TTN: variants seen among roughly 807,000 people sequenced by gnomAD.
The protein encoded by TTN is connectin.
Under a neutral mutation model 3,223.0 loss-of-function variants are expected in TTN, and 1,525 were observed. The observed-to-expected ratio is 0.47, with a 90% confidence interval of 0.45 to 0.49. The LOEUF (loss-of-function observed/expected upper bound fraction) is 0.49, where lower values mean the gene tolerates loss of function less well. Among genes scored for constraint, TTN ranks in the 20% least tolerant of loss-of-function variants. TTN has a pLI of 0.00. For synonymous variants in TTN, 14,094 were observed against 15,161.0 expected (o/e 0.93, Z 5.17); for missense variants, 40,786 against 43,424.0 (o/e 0.94, Z 5.40).
At position 178,650,230 on chromosome 2, in the gene TTN, C is replaced by G; in HGVS notation, c.39751G>C (p.Ala13251Pro). 1 of 1,555,524 alleles carries G rather than the reference C, an allele frequency of 6.4e-7. No individual in the cohort carries two copies. The highest frequency in any genetic ancestry group is 1.2e-5 in the South Asian group (1 of 84,932). The change falls in exon 210 of 363, where the codon GCT (alanine) becomes CCT (proline). Residue 13251 changes from alanine (A) to proline (P), a missense_variant. By Grantham distance (27) the Ala-to-Pro change is conservative. Transcript: ENST00000589042. Reference sequence around the variant, plus strand: ...GGAACTGGCTTTTCCTCTTCAGGAGCAATTTCCTCTTCAGGAGCAATTTCC... The same window carrying G: ...GGAACTGGCTTTTCCTCTTCAGGAGGAATTTCCTCTTCAGGAGCAATTTCC... ...PEEIAPEEEI[A>P]PEEEKPVPVA...
intron 40 of TTN, 54 bp from the exon 41 acceptor site, chr2:178,766,666 T>C (rs1003033637): frequency 7.1e-7 from 1 of 1,407,646 alleles, no homozygotes; most frequent in African/African-American, 1.4e-5. Context: ...CTTGAAGCTC[T>C]GGTTTCCTCC....
chr2:178,528,921 T>C lies in TTN; in HGVS notation c.106830A>G (p.Lys35610=). ...SEEVRTHAEI[K]AFSTQMSINE... ...TTATGCTCATCTGAGTAGAAAATGC[T>C]TTAATCTCAGCATGAGTTCTGACTT... is the stretch of plus-strand genomic sequence containing the variant. The change falls in exon 360 of 363, where the codon AAA becomes AAG. Residue 35610 remains lysine, a synonymous_variant. Coordinates refer to ENST00000589042, the MANE Select transcript of TTN (RefSeq NM_001267550.2). 2 of 1,614,062 alleles carry C rather than the reference T, an allele frequency of 1.2e-6. No individual in the cohort carries two copies. The highest frequency in any genetic ancestry group is 1.7e-6 in the Non-Finnish European group (2 of 1,179,894).
At position 178,566,023 on chromosome 2, in the gene TTN, T is replaced by C; in HGVS notation, c.80109A>G (p.Val26703=). Residue 26703 remains valine, a synonymous_variant, in exon 326 of 363, where the codon GTA becomes GTG. Transcript: ENST00000589042. ...CTCCATCAATGATGGGTGGCTCCCA[T>C]ACCAGGAAGGCAGAATCTTTTCTCA... ...KEVRKDSAFL[V]WEPPIIDGGA... 2 of 1,613,570 alleles carry C rather than the reference T, an allele frequency of 1.2e-6. No individual in the cohort carries two copies. Among genetic ancestry groups the C allele is most frequent in the South Asian group, 2.2e-5 (2 of 91,068 alleles).
intron 144 of TTN, 83 bp downstream of exon 144, chr2:178,678,331 C>T: frequency 6.7e-7 from 1 of 1,501,066 alleles, no homozygotes; most frequent in Non-Finnish European, 9.0e-7. Context: ...TAAAAATGTA[C>T]AATGTAATGG....
chr2:178,614,315 G>A lies in TTN; in HGVS notation c.49082C>T (p.Thr16361Ile). Residue 16361 changes from threonine (T) to isoleucine (I), a missense_variant, in exon 262 of 363, where the codon ACA becomes ATA. By Grantham distance (89) the Thr-to-Ile change is moderately conservative. Coordinates refer to ENST00000589042, the MANE Select transcript of TTN (RefSeq NM_001267550.2). The part of the protein sequence containing the change: ...KPGPPAAFDI[T>I]DVTNESCLLT... ...AAGACATGACTCATTGGTTACATCT[G>A]TGATGTCAAAGGCAGCTGGTGGTCC... 6.2e-7 allele frequency: 1 copy of A among 1,612,676 alleles called. No homozygotes were observed. The highest frequency in any genetic ancestry group is 1.1e-5 in the South Asian group (1 of 91,026).
chr2:178,752,532 C>T (rs1395992334), intron 47 of TTN, among the ~76,000 whole-genome samples: 1 of 151,948 alleles, frequency 6.6e-6, no homozygotes, highest in East Asian at 1.9e-4. Flanking sequence ...TTTATTCGAA[C>T]TAATACAGCC....
At position 178,551,706 on chromosome 2, in the gene TTN, A is replaced by G. The variant is rs1340267522; in HGVS notation, c.91194T>C (p.Arg30398=). 6.2e-7 allele frequency: 1 copy of G among 1,613,550 alleles called. No individual in the cohort carries two copies. The highest frequency in any genetic ancestry group is 2.2e-5 in the East Asian group (1 of 44,862). ...GLVEGLDYQF[R]VYAENSAGLS... The stretch of plus-strand genomic sequence containing the variant: ...GGCCAGCAGAATTTTCAGCATATAC[A>G]CGGAATTGGTAATCCAGACCTTCTA... The change falls in exon 335 of 363, where the codon CGT becomes CGC. Residue 30398 remains arginine, a synonymous_variant. Transcript: ENST00000589042.
chr2:178,565,841 CCA>C lies in TTN; in HGVS notation c.80289_80290del (p.Phe26763LeufsTer10), dbSNP rs767562159. 6.2e-7 allele frequency: 1 copy of C among 1,613,654 alleles called. No individual in the cohort carries two copies. The highest frequency in any genetic ancestry group is 1.1e-5 in the South Asian group (1 of 91,082). On this transcript the variant is annotated frameshift_variant, in exon 326 of 363. Transcript: ENST00000589042. LOFTEE classifies it high-confidence loss of function. ...AACAGTTTCCACTGGAACACCAACTCCAAATTCATTTTCAGCCATGACTCTGA... is the reference window on the plus strand; with the variant it reads ...AACAGTTTCCACTGGAACACCAACTCAATTCATTTTCAGCCATGACTCTGA...
chr2:178,767,589 C>G (rs957630392), intron 40 of TTN, among the ~76,000 whole-genome samples, 170 bp downstream of exon 40: 1 of 152,148 alleles, frequency 6.6e-6, no homozygotes, highest in Admixed American at 6.5e-5. Flanking sequence ...TGAGTGGAAA[C>G]TGTGACTAAA....
At chr2:178,769,029 T>G in intron 37 of TTN, 96 bp from the exon 38 acceptor site, 1 of 1,389,498 alleles carries the variant, frequency 7.2e-7, no homozygotes, top group Non-Finnish European at 1.0e-6. Flanking sequence ...ATGTTTTTAG[T>G]GCGTCTGTTG....
chr2:178,601,827 A>T (rs376698996), intron 285 of TTN, 40 bp from the exon 286 acceptor site: 5 of 1,604,646 alleles, frequency 3.1e-6, no homozygotes, highest in Non-Finnish European at 4.2e-6. Context: ...GAATGAAATC[A>T]TAGCAATATT....
At position 178,595,492 on chromosome 2, in the gene TTN, T is replaced by C. The variant is rs1256752046; in HGVS notation, c.57847+15A>G. On this transcript the variant is annotated intron_variant, in intron 295 of 362. Transcript: ENST00000589042. ...AAAGAAGTGATTAAGTATACATTTT[T>C]TTTTTTTTACTTACTTATTGGCTCT... 1 of 1,544,826 alleles carries C rather than the reference T, an allele frequency of 6.5e-7. No individual in the cohort carries two copies. Among genetic ancestry groups the C allele is most frequent in the Non-Finnish European group, 8.7e-7 (1 of 1,144,710 alleles).
In TTN at chr2:178,533,426, C is replaced by G. The variant is rs1559025541; in HGVS notation, c.103189G>C (p.Glu34397Gln). 1.9e-6 allele frequency: 3 copies of G among 1,613,898 alleles called. No individual in the cohort carries two copies. Among genetic ancestry groups the G allele is most frequent in the Admixed American group, 1.7e-5 (1 of 60,012 alleles). The change falls in exon 358 of 363, where the codon GAG becomes CAG. Residue 34397 changes from glutamate to glutamine, a missense_variant. Physicochemically the swap from Glu to Gln is conservative, Grantham distance 29. Coordinates refer to ENST00000589042, the MANE Select transcript of TTN (RefSeq NM_001267550.2). ...SGIPPPTLKW[E>Q]KDGQPLSLGP... is the part of the protein sequence containing the mutation. ...AGGGACAGTGGCTGACCATCTTTCT[C>G]CCATTTTAATGTTGGTGGGGGGATG...
chr2:178,589,675 A>AT lies in TTN; in HGVS notation c.62049dup (p.Phe20684IlefsTer10). On this transcript the variant is annotated frameshift_variant, in exon 304 of 363. Transcript: ENST00000589042. LOFTEE classifies it high-confidence loss of function. ...GGCCTCCGCCACTTTAGATAGACAA[A>AT]TGTCTTTCCTTTATCTGCAATGTGA... 1 of 1,613,484 alleles carries AT rather than the reference A, an allele frequency of 6.2e-7. No individual in the cohort carries two copies. Among genetic ancestry groups the AT allele is most frequent in the Non-Finnish European group, 8.5e-7 (1 of 1,179,606 alleles).
chr2:178,541,488 T>G lies in TTN; in HGVS notation c.97589A>C (p.Gln32530Pro). ...WYPPEDDGGS[Q>P]VTGYIVERKE... ...GCGCTCCACAATATATCCAGTCACT[T>G]GGGAGCCACCGTCATCCTCTGGTGG... The change falls in exon 350 of 363, where the codon CAA becomes CCA. Residue 32530 changes from glutamine to proline, a missense_variant. By Grantham distance (76) the Gln-to-Pro change is moderately conservative (BLOSUM62 -1). Coordinates refer to ENST00000589042, the MANE Select transcript of TTN (RefSeq NM_001267550.2). The G allele has an allele frequency of 6.2e-7, 1 of 1,613,464 alleles. No individual in the cohort carries two copies. The highest frequency in any genetic ancestry group is 8.5e-7 in the Non-Finnish European group (1 of 1,179,588).
At chr2:178,685,807 T>C (rs1257357663) in intron 127 of TTN, among the ~76,000 whole-genome samples, 1 of 152,164 alleles carries the variant, frequency 6.6e-6, no homozygotes, top group African/African-American at 2.4e-5. Context: ...ATAGGTTTCA[T>C]TAACTTAATT....
Position 178,584,825 on chromosome 2 carries a change from C to G in TTN, c.64816G>C (p.Asp21606His), listed in dbSNP as rs751046367. ...ACTGAAGCTAGAGCCGTGACCCAGT[C>G]ACCTCGGCTTACATCACACTTCTCC... ...IVEKCDVSRG[D>H]WVTALASVTK... Residue 21606 changes from aspartate (D) to histidine (H), a missense_variant, in exon 310 of 363, where the codon GAC becomes CAC. Coordinates refer to ENST00000589042, the MANE Select transcript of TTN (RefSeq NM_001267550.2). The G allele has an allele frequency of 2.6e-5, 42 of 1,613,270 alleles. No individual in the cohort carries two copies. In the Middle Eastern group the frequency reaches 8.2e-4, roughly 32 times the overall value.
chr2:178,677,837 G>T lies in TTN; in HGVS notation c.34075C>A (p.Pro11359Thr), dbSNP rs1060500464. The T allele has an allele frequency of 1.2e-6, 2 of 1,612,132 alleles. No individual in the cohort carries two copies. Among genetic ancestry groups the T allele is most frequent in the Non-Finnish European group, 1.7e-6 (2 of 1,179,006 alleles). ...EEVLFEEEIV[P>T]EEEVLPEEEE... The stretch of plus-strand genomic sequence containing the variant: ...TCCTCAGGTAGAACTTCCTCTTCAG[G>T]AACAATTTCTTCTTCAAATAGAACT... The change falls in exon 146 of 363, where the codon CCT becomes ACT. Residue 11359 changes from proline (P) to threonine (T), a missense_variant. By Grantham distance (38) the Pro-to-Thr change is conservative. Transcript: ENST00000589042.
chr2:178,770,934 A>G, intron 34 of TTN: 1 of 773,562 alleles, frequency 1.3e-6, no homozygotes, highest in South Asian at 1.4e-5. Flanking sequence ...GCAGCATAAT[A>G]GACTGATTGG....
Sources: gnomAD v4.1 joint callset for allele counts (sites outside exome capture counted in the v4.1 genomes callset) on GRCh38, gnomAD v4.1.1 for gene constraint, MANE v1.5 for transcripts, NCBI Gene and HGNC (gene_info 2026-07-23, HGNC 2026-07-21) for gene names.